The following KCTD16 variants were observed in gnomAD, a reference collection of about 807,000 sequenced individuals.
The protein encoded by KCTD16 is potassium channel tetramerization domain containing 16.
In KCTD16, 13 loss-of-function variants were observed where a neutral mutation model predicts 33.2. The observed-to-expected ratio is 0.39, with a 90% CI of 0.25 to 0.62. The LOEUF (loss-of-function observed/expected upper bound fraction) is 0.62, where lower values mean the gene tolerates loss of function less well. Among genes scored for constraint, KCTD16 ranks in the 20% least tolerant of loss-of-function variants. The pLI, the probability that KCTD16 is intolerant of heterozygous loss-of-function variation, is 0.50. For missense variants in KCTD16, 441 were observed against 525.1 expected (o/e 0.84, Z 1.57); for synonymous variants, 197 against 195.3 (o/e 1.01, Z -0.07).
At chr5:144,367,910 A>C (rs1189992122) in intron 3 of KCTD16, among the ~76,000 whole-genome samples, 1 of 150,894 alleles carries the variant, frequency 6.6e-6, no homozygotes, top group Non-Finnish European at 1.5e-5. Context: ...TGCAGTATTC[A>C]GTTTTCTGTT....
chr5:144,311,714 A>G (rs1004618635), intron 3 of KCTD16, among the ~76,000 whole-genome samples: 43 of 152,182 alleles, frequency 2.8e-4, no homozygotes, highest in Non-Finnish European at 6.3e-4. Context: ...AACTACAAAT[A>G]AAAATATAAA....
intron 3 of KCTD16, among the ~76,000 whole-genome samples, chr5:144,218,255 T>G (rs1047200496): frequency 6.6e-6 from 1 of 152,162 alleles, no homozygotes. Flanking sequence ...GATGAGGAAG[T>G]GTAAACTGAT....
chr5:144,471,278 A>G (rs543735398), intron 3 of KCTD16, among the ~76,000 whole-genome samples: 2 of 152,276 alleles, frequency 1.3e-5, no homozygotes, highest in East Asian at 3.9e-4. Context: ...TAAGCTTACC[A>G]TGGGGAAGGT....
chr5:144,177,810 G>T (rs1580768156), intron 2 of KCTD16, among the ~76,000 whole-genome samples: 1 of 152,106 alleles, frequency 6.6e-6, no homozygotes, highest in Admixed American at 6.5e-5. Flanking sequence ...CTTTTGGGGG[G>T]ATGTACAGTT....
At chr5:144,204,115 T>C (rs895280062) in intron 2 of KCTD16, among the ~76,000 whole-genome samples, 9 of 152,220 alleles carry the variant, frequency 5.9e-5, no homozygotes, top group African/African-American at 1.9e-4. Flanking sequence ...AAAGAAAAGA[T>C]TGTTAAAGTA....
Position 144,324,781 on chromosome 5 carries a change from T to G in KCTD16, c.832+117235T>G, listed in dbSNP as rs566704048. 9.8e-5 allele frequency among the ~76,000 whole-genome samples: 15 copies of G among 152,346 alleles called. No individual in the cohort carries two copies. The South Asian group carries it at 2.9e-3, about 29-fold the overall frequency. ...CAAGATCATATCCTTTGCAGGGACA[T>G]GGATGGGGCTGGAAGCCATTATCCT... On this transcript the variant is annotated intron_variant, in intron 3 of 3. Transcript: ENST00000512467.
intron 2 of KCTD16, among the ~76,000 whole-genome samples, chr5:144,191,822 AT>A (rs5871869): frequency 0.77 from 112,992 of 147,476 alleles, 43,020 homozygotes; most frequent in South Asian, 0.86. Context: ...GCGTATTTCC[AT>A]TTTTTTTTTT....
At chr5:144,463,788 C>T (rs561138334) in intron 3 of KCTD16, among the ~76,000 whole-genome samples, 1 of 152,224 alleles carries the variant, frequency 6.6e-6, no homozygotes, top group African/African-American at 2.4e-5. Context: ...TCAAATAAGC[C>T]TCTGTAAGGA....
intron 3 of KCTD16, among the ~76,000 whole-genome samples, chr5:144,327,767 C>A (rs546137307): frequency 2.6e-5 from 4 of 152,030 alleles, no homozygotes; most frequent in African/African-American, 9.7e-5. Flanking sequence ...TGCAGGCTTG[C>A]GTCATTTTTT....
intron 3 of KCTD16, among the ~76,000 whole-genome samples, chr5:144,351,308 A>G (rs921297553): frequency 2.0e-5 from 3 of 152,184 alleles, no homozygotes; most frequent in African/African-American, 4.8e-5. Flanking sequence ...GCAAGGACAT[A>G]TGACATCACT....
At chr5:144,370,951 C>A (rs555878666) in intron 3 of KCTD16, among the ~76,000 whole-genome samples, 1 of 152,030 alleles carries the variant, frequency 6.6e-6, no homozygotes, top group African/African-American at 2.4e-5. Context: ...GCAAAAACCA[C>A]ATTACTTTTG....
intron 3 of KCTD16, among the ~76,000 whole-genome samples, chr5:144,346,914 CAA>C (rs1385917231): frequency 3.3e-5 from 5 of 152,078 alleles, no homozygotes; most frequent in Non-Finnish European, 7.4e-5. Context: ...TTTCCATACT[CAA>C]GAAATCTTTG....
intron 3 of KCTD16, among the ~76,000 whole-genome samples, chr5:144,406,821 C>T (rs895053743): frequency 1.1e-4 from 16 of 152,296 alleles, no homozygotes; most frequent in African/African-American, 3.6e-4. Context: ...ATGCAAGCTT[C>T]TGCTGGGGTA....
intron 3 of KCTD16, among the ~76,000 whole-genome samples, chr5:144,363,857 T>C (rs943944067): frequency 6.6e-6 from 1 of 152,232 alleles, no homozygotes; most frequent in Admixed American, 6.5e-5. Context: ...ATACATTCCC[T>C]GCAACTAGTG....
At chr5:144,316,826 C>CTTTTT (rs34796022) in intron 3 of KCTD16, among the ~76,000 whole-genome samples, 5 of 111,172 alleles carry the variant, frequency 4.5e-5, no homozygotes, top group Admixed American at 1.0e-4. Flanking sequence ...GCCAGCATCC[C>CTTTTT]TTTTTTTTTT....
intron 3 of KCTD16, among the ~76,000 whole-genome samples, chr5:144,360,902 TTTA>T (rs921915317): frequency 4.0e-5 from 6 of 151,578 alleles, no homozygotes; most frequent in Admixed American, 6.6e-5. Flanking sequence ...TTTGGAAGTT[TTTA>T]TTATTATTAT....
chr5:144,220,897 C>T (rs746851879), intron 3 of KCTD16, among the ~76,000 whole-genome samples: 74 of 151,116 alleles, frequency 4.9e-4, no homozygotes, highest in Non-Finnish European at 8.0e-4. Context: ...GCCGAGATCA[C>T]GCCACTGCAC....
At chr5:144,342,203 A>C (rs1406162295) in intron 3 of KCTD16, among the ~76,000 whole-genome samples, 1 of 152,164 alleles carries the variant, frequency 6.6e-6, no homozygotes, top group Non-Finnish European at 1.5e-5. Context: ...CTTCCTACCC[A>C]TGAGCATGGA....
At chr5:144,241,766 T>C (rs1047615798) in intron 3 of KCTD16, among the ~76,000 whole-genome samples, 1 of 152,192 alleles carries the variant, frequency 6.6e-6, no homozygotes, top group African/African-American at 2.4e-5. Flanking sequence ...TTAGTGGCTA[T>C]GAAAAATTAA....
Sources: allele counts gnomAD v4.1 joint callset (sites outside exome capture counted in the v4.1 genomes callset), GRCh38; gene constraint gnomAD v4.1.1; transcripts MANE v1.5; gene names NCBI Gene and HGNC (gene_info 2026-07-23, HGNC 2026-07-21).